The following PLXDC1 variants were observed in gnomAD, a reference collection of about 807,000 sequenced individuals.
The protein encoded by PLXDC1 is plexin domain-containing protein 1.
A neutral mutation model predicts 61.3 loss-of-function variants in PLXDC1; 39 were observed. The ratio of observed to expected loss-of-function variants is 0.64; its 90% confidence interval spans 0.49 to 0.83. The LOEUF (loss-of-function observed/expected upper bound fraction) is 0.83, where lower values mean the gene tolerates loss of function less well. Among genes scored for constraint, PLXDC1 ranks in the 40% least tolerant of loss-of-function variants. The probability of loss-of-function intolerance (pLI) is 0.00; values close to 1 mark genes in which losing one functional copy is unlikely to be tolerated. For missense variants in PLXDC1, 596 were observed against 666.5 expected (o/e 0.89, Z 1.17); for synonymous variants, 212 against 254.5 (o/e 0.83, Z 1.59).
chr17:39,101,657 C>A (rs1910424767), intron 7 of PLXDC1, among the ~76,000 whole-genome samples: 1 of 152,154 alleles, frequency 6.6e-6, no homozygotes, highest in Non-Finnish European at 1.5e-5. Flanking sequence ...GCTTTGCCCT[C>A]AAGCCACCAG....
At chr17:39,128,087 C>CTATG (rs1304464750) in intron 2 of PLXDC1, among the ~76,000 whole-genome samples, 3 of 67,250 alleles carry the variant, frequency 4.5e-5, no homozygotes, top group African/African-American at 1.1e-4. Flanking sequence ...CTCTCTCTCT[C>CTATG]TCTCTATGTG....
At chr17:39,116,621 G>A (rs1298886715) in intron 2 of PLXDC1, among the ~76,000 whole-genome samples, 2 of 152,196 alleles carry the variant, frequency 1.3e-5, no homozygotes, top group African/African-American at 4.8e-5. Flanking sequence ...GGTGTCTCTG[G>A]ATTCCTCAAT....
chr17:39,079,090 CT>C lies in PLXDC1; in HGVS notation c.1050+13del. ...CCTGGCACAGGAGTTGCAGCAGATA[CT>C]TATGCTTCTCACCTCCTGTGCACAG... On this transcript the variant is annotated intron_variant, in intron 10 of 13. Coordinates refer to ENST00000315392, the MANE Select transcript of PLXDC1 (RefSeq NM_020405.5). 1 of 1,610,734 alleles carries C rather than the reference CT, an allele frequency of 6.2e-7. No individual in the cohort carries two copies. Among genetic ancestry groups the C allele is most frequent in the Non-Finnish European group, 8.5e-7 (1 of 1,177,250 alleles).
intron 7 of PLXDC1, among the ~76,000 whole-genome samples, chr17:39,089,344 C>T (rs549105236): frequency 2.0e-4 from 30 of 152,266 alleles, no homozygotes; most frequent in Non-Finnish European, 4.1e-4. Context: ...AACCAAGAGG[C>T]CTTTTGCTGT....
chr17:39,083,203 G>T (rs1567755745), intron 9 of PLXDC1, among the ~76,000 whole-genome samples: 1 of 152,198 alleles, frequency 6.6e-6, no homozygotes, highest in Non-Finnish European at 1.5e-5. Flanking sequence ...CACAGCTGTG[G>T]AACACTCCGA....
intron 7 of PLXDC1, among the ~76,000 whole-genome samples, chr17:39,091,196 G>C (rs557697613): frequency 2.0e-5 from 3 of 152,304 alleles, no homozygotes; most frequent in Non-Finnish European, 2.9e-5. Context: ...GGAGCAGTGG[G>C]GGACGGCAGT....
chr17:39,139,912 A>G, intron 1 of PLXDC1, 80 bp from the exon 2 acceptor site: 1 of 1,385,250 alleles, frequency 7.2e-7, no homozygotes, highest in Non-Finnish European at 9.8e-7. Flanking sequence ...GTTATTCTGC[A>G]AGGGCCCCAA....
rs1471438834 is a variant in PLXDC1 at position 39,109,274 on chromosome 17, G to A, written c.373C>T (p.Leu125Phe). The A allele has an allele frequency of 5.6e-6, 9 of 1,613,082 alleles. No homozygotes were observed. The South Asian group carries it at 9.9e-5, about 18-fold the overall frequency. ...NRSQVKIHTI[L>F]SNTHRQASRV... The stretch of plus-strand genomic sequence containing the variant: ...GAAGCCTGCCGGTGGGTGTTGGAGA[G>A]TATTGTGTGGATCTTCACTTGGCTC... The change falls in exon 3 of 14, where the codon CTC (leucine) becomes TTC (phenylalanine). Residue 125 changes from leucine to phenylalanine, a missense_variant. Physicochemically the swap from Leu to Phe is conservative, Grantham distance 22. Transcript: ENST00000315392.
chr17:39,102,005 G>A (rs1428275388), intron 7 of PLXDC1, among the ~76,000 whole-genome samples: 1 of 152,176 alleles, frequency 6.6e-6, no homozygotes, highest in Non-Finnish European at 1.5e-5. Context: ...GGAAGAAGAA[G>A]CTGGTGAATT....
rs375075957 is a variant in PLXDC1, at chr17:39,128,793, G to A, written c.255+10861C>T. Among the ~76,000 whole-genome samples the A allele has an allele frequency of 1.3e-3, 195 of 146,188 alleles. 1 individual carries two copies. Among genetic ancestry groups the A allele is most frequent in the East Asian group, 0.011 (53 of 4,630 alleles). On this transcript the variant is annotated intron_variant, in intron 2 of 13. Transcript: ENST00000315392. ...TGGGAGGTCGAGGTGGGCAGATCACGAGGTCAGGAGATCGAGACCAGCCTG... is the reference window on the plus strand; with the variant it reads ...TGGGAGGTCGAGGTGGGCAGATCACAAGGTCAGGAGATCGAGACCAGCCTG...
chr17:39,150,893 C>T (rs1394661613), intron 1 of PLXDC1, among the ~76,000 whole-genome samples: 6 of 152,200 alleles, frequency 3.9e-5, no homozygotes, highest in Non-Finnish European at 8.8e-5. Flanking sequence ...GTGTCCCCAC[C>T]ATCCCCCTGG....
intron 7 of PLXDC1, among the ~76,000 whole-genome samples, chr17:39,103,771 G>A (rs529725380): frequency 5.3e-5 from 8 of 151,414 alleles, no homozygotes; most frequent in Non-Finnish European, 7.4e-5. Context: ...ACTCGAACCC[G>A]GGAGGCAAAG....
At chr17:39,090,888 T>TCC (rs1491132537) in intron 7 of PLXDC1, among the ~76,000 whole-genome samples, 1 of 32,220 alleles carries the variant, frequency 3.1e-5, no homozygotes, top group East Asian at 6.7e-4. Context: ...TCTCCCTCTG[T>TCC]CTCTCTCTCT....
chr17:39,131,174 T>C (rs368776539), intron 2 of PLXDC1, among the ~76,000 whole-genome samples: 1 of 152,074 alleles, frequency 6.6e-6, no homozygotes. Flanking sequence ...GCTCTAAATG[T>C]CAGGTTTGTT....
chr17:39,075,560 A>G (rs1909294657), intron 11 of PLXDC1, among the ~76,000 whole-genome samples: 1 of 152,210 alleles, frequency 6.6e-6, no homozygotes, highest in Admixed American at 6.5e-5. Flanking sequence ...TCTGAGCCTT[A>G]GTGTCTCCTT....
At chr17:39,099,867 G>A (rs1213456715) in intron 7 of PLXDC1, among the ~76,000 whole-genome samples, 3 of 152,144 alleles carry the variant, frequency 2.0e-5, no homozygotes, top group African/African-American at 7.2e-5. Flanking sequence ...GAGCCTCTAC[G>A]GTGGCTGCCT....
intron 9 of PLXDC1, 114 bp downstream of exon 9, chr17:39,083,345 A>C: frequency 1.2e-5 from 9 of 779,520 alleles, no homozygotes; most frequent in Non-Finnish European, 1.8e-5. Context: ...GGTACTGGCC[A>C]GAGATACTCT....
intron 2 of PLXDC1, chr17:39,111,698 G>A (rs1598201987): frequency 6.6e-6 from 1 of 152,260 alleles, no homozygotes; most frequent in African/African-American, 2.4e-5. Context: ...GGTGACTCAT[G>A]TGTACTATTT....
intron 1 of PLXDC1, among the ~76,000 whole-genome samples, chr17:39,148,058 C>A (rs185410024): frequency 2.0e-5 from 3 of 151,972 alleles, no homozygotes; most frequent in Non-Finnish European, 4.4e-5. Flanking sequence ...ATCTGTCGAT[C>A]GGAGGGGACG....
Sources: allele counts gnomAD v4.1 joint callset (sites outside exome capture counted in the v4.1 genomes callset), GRCh38; gene constraint gnomAD v4.1.1; transcripts MANE v1.5; gene names NCBI Gene and HGNC (gene_info 2026-07-23, HGNC 2026-07-21).